The following LMNTD1 variants were observed in gnomAD, a reference collection of about 807,000 sequenced individuals.
LMNTD1 encodes the protein lamin tail domain containing 1.
In LMNTD1, 35 loss-of-function variants were observed where a neutral mutation model predicts 50.9. The observed-to-expected ratio is 0.69, with a 90% CI of 0.53 to 0.91. The LOEUF (loss-of-function observed/expected upper bound fraction) is 0.91, where lower values mean the gene tolerates loss of function less well. Ranked by LOEUF, LMNTD1 falls within the 40% of genes least tolerant of loss-of-function variation. The probability of loss-of-function intolerance (pLI) is 0.00; values close to 1 mark genes in which losing one functional copy is unlikely to be tolerated. For missense variants in LMNTD1, 470 were observed against 475.5 expected (o/e 0.99, Z 0.11); for synonymous variants, 153 against 161.9 (o/e 0.94, Z 0.42).
intron 1 of LMNTD1, among the ~76,000 whole-genome samples, chr12:25,601,466 T>G (rs1328238792): frequency 6.6e-6 from 1 of 151,936 alleles, no homozygotes; most frequent in African/African-American, 2.4e-5. Flanking sequence ...AAGAGTATAT[T>G]TGGATTATTT....
intron 4 of LMNTD1, among the ~76,000 whole-genome samples, chr12:25,530,885 T>C (rs1418595999): frequency 6.6e-6 from 1 of 152,136 alleles, no homozygotes; most frequent in African/African-American, 2.4e-5. Context: ...GTTATTCAGG[T>C]GGAATTAATC....
intron 1 of LMNTD1, among the ~76,000 whole-genome samples, chr12:25,640,026 G>A (rs566742868): frequency 6.6e-6 from 1 of 152,248 alleles, no homozygotes; most frequent in South Asian, 2.1e-4. Flanking sequence ...AACATGCTAA[G>A]TGAAAGAAGA....
intron 1 of LMNTD1, among the ~76,000 whole-genome samples, chr12:25,625,135 ACTC>A (rs1946560862): frequency 1.3e-5 from 2 of 152,038 alleles, no homozygotes; most frequent in South Asian, 2.1e-4. Context: ...GTTTTCACCT[ACTC>A]CTCATTTTTT....
chr12:25,498,685 AAAAC>A (rs2135930648), intron 9 of LMNTD1, among the ~76,000 whole-genome samples: 1 of 152,328 alleles, frequency 6.6e-6, no homozygotes, highest in East Asian at 1.9e-4. Flanking sequence ...AACTGCTTAG[AAAAC>A]AAATACTTTA....
chr12:25,509,400 G>A (rs1392400332), intron 8 of LMNTD1, among the ~76,000 whole-genome samples: 1 of 152,216 alleles, frequency 6.6e-6, no homozygotes, highest in Non-Finnish European at 1.5e-5. Flanking sequence ...GAGCCACTGT[G>A]CCAGGCCGAC....
At chr12:25,526,062 A>G (rs751829953) in intron 6 of LMNTD1, 37 bp downstream of exon 6, 2 of 930,580 alleles carry the variant, frequency 2.1e-6, no homozygotes, top group South Asian at 2.5e-5. Flanking sequence ...CACAATATTT[A>G]AAAAAAAAAA....
At chr12:25,490,100 C>A (rs554560465) in intron 9 of LMNTD1, among the ~76,000 whole-genome samples, 1 of 152,166 alleles carries the variant, frequency 6.6e-6, no homozygotes, top group Non-Finnish European at 1.5e-5. Context: ...TTTGGATAAG[C>A]CTGTAATGTG....
chr12:25,487,365 A>T (rs1938687036), intron 9 of LMNTD1, among the ~76,000 whole-genome samples: 1 of 135,256 alleles, frequency 7.4e-6, no homozygotes, highest in African/African-American at 2.8e-5. Context: ...TTCTTGTTGA[A>T]TTGATCCCTT....
chr12:25,627,287 T>C (rs1946610280), intron 1 of LMNTD1, among the ~76,000 whole-genome samples: 1 of 152,214 alleles, frequency 6.6e-6, no homozygotes, highest in Non-Finnish European at 1.5e-5. Flanking sequence ...AGGTTTGTTC[T>C]TTTTTTCTTT....
At chr12:25,575,620 T>C (rs1284795627) in intron 1 of LMNTD1, among the ~76,000 whole-genome samples, 1 of 152,182 alleles carries the variant, frequency 6.6e-6, no homozygotes, top group African/African-American at 2.4e-5. Context: ...CTCTGCTTCT[T>C]TGACATTTTA....
intron 9 of LMNTD1, among the ~76,000 whole-genome samples, chr12:25,483,772 CA>C (rs10582917): frequency 0.37 from 54,332 of 146,104 alleles, 10,811 homozygotes; most frequent in East Asian, 0.52. Context: ...CATTCCATCT[CA>C]AAAAAAAAAA....
At chr12:25,590,610 G>A (rs1436016456) in intron 1 of LMNTD1, among the ~76,000 whole-genome samples, 1 of 152,192 alleles carries the variant, frequency 6.6e-6, no homozygotes, top group African/African-American at 2.4e-5. Flanking sequence ...CTTAGCCCCA[G>A]GCTGCATAGC....
At chr12:25,530,232 T>A (rs1942123823) in intron 4 of LMNTD1, among the ~76,000 whole-genome samples, 1 of 152,224 alleles carries the variant, frequency 6.6e-6, no homozygotes, top group East Asian at 1.9e-4. Context: ...TTTAATTATA[T>A]GCACATATTT....
At chr12:25,599,054 A>G (rs1233944356) in intron 1 of LMNTD1, among the ~76,000 whole-genome samples, 2 of 152,076 alleles carry the variant, frequency 1.3e-5, no homozygotes, top group African/African-American at 4.8e-5. Context: ...TATTTATGCG[A>G]AAGTCCTCAA....
intron 1 of LMNTD1, among the ~76,000 whole-genome samples, chr12:25,560,619 A>G (rs887068442): frequency 2.0e-5 from 3 of 152,210 alleles, no homozygotes; most frequent in Non-Finnish European, 4.4e-5. Flanking sequence ...CATTGAATCT[A>G]TAAATTACCT....
At chr12:25,525,960 T>C in intron 6 of LMNTD1, 139 bp downstream of exon 6, 1 of 493,488 alleles carries the variant, frequency 2.0e-6, no homozygotes, top group Non-Finnish European at 3.2e-6. Flanking sequence ...TAAAATAATC[T>C]TTTAGGCATA....
At chr12:25,602,259 A>ATTTTCTTTC (rs1212493077) in intron 1 of LMNTD1, among the ~76,000 whole-genome samples, 1 of 151,464 alleles carries the variant, frequency 6.6e-6, no homozygotes, top group African/African-American at 2.4e-5. Context: ...CTAAATTTTT[A>ATTTTCTTTC]TTTTCTTTCT....
At chr12:25,576,975 C>G (rs1945048658) in intron 1 of LMNTD1, among the ~76,000 whole-genome samples, 1 of 152,112 alleles carries the variant, frequency 6.6e-6, no homozygotes, top group Non-Finnish European at 1.5e-5. Context: ...TTGTTTTTCC[C>G]AGGTTTGTCA....
chr12:25,534,979 T>C (rs571436630), intron 4 of LMNTD1, among the ~76,000 whole-genome samples: 1 of 151,946 alleles, frequency 6.6e-6, no homozygotes, highest in African/African-American at 2.4e-5. Flanking sequence ...CAAGGCAAAA[T>C]CCACAATTTC....
Sources: allele counts gnomAD v4.1 joint callset (sites outside exome capture counted in the v4.1 genomes callset), GRCh38; gene constraint gnomAD v4.1.1; transcripts MANE v1.5; gene names NCBI Gene and HGNC (gene_info 2026-07-23, HGNC 2026-07-21).